The following DBT variants were observed in gnomAD, a reference collection of about 807,000 sequenced individuals.
DBT encodes the protein dihydrolipoamide branched chain transacylase E2.
DBT carries 40 observed loss-of-function variants against 51.3 expected under a neutral mutation model. The observed-to-expected ratio is 0.78, with a 90% CI of 0.61 to 1.02. The LOEUF (loss-of-function observed/expected upper bound fraction) is 1.02. Among genes scored for constraint, DBT ranks in the 50% least tolerant of loss-of-function variants. The probability of loss-of-function intolerance (pLI) is 0.00; values close to 1 mark genes in which losing one functional copy is unlikely to be tolerated. For synonymous variants in DBT, 181 were observed against 190.4 expected (o/e 0.95, Z 0.41); for missense variants, 510 against 580.2 (o/e 0.88, Z 1.24).
chr1:100,213,488 C>A, intron 7 of DBT: 1 of 1,544,516 alleles, frequency 6.5e-7, no homozygotes, highest in Non-Finnish European at 9.0e-7. Flanking sequence ...GACCGTCATC[C>A]GCTATCCTAC....
chr1:100,217,668 T>C (rs1379699581), intron 5 of DBT, among the ~76,000 whole-genome samples: 2 of 152,248 alleles, frequency 1.3e-5, no homozygotes, highest in South Asian at 2.1e-4. Flanking sequence ...AAAAGTCTCA[T>C]TGTGGGGCAC....
In DBT at chr1:100,189,353, A is replaced by T. The variant is rs200943386; in HGVS notation, c.*6902T>A. 112,332 of 139,554 alleles carry T rather than the reference A, an allele frequency of 0.8. 45,025 individuals are homozygous for T. The highest frequency in any genetic ancestry group is 0.94 in the East Asian group (4,460 of 4,758). 8.6% of individuals were successfully genotyped at this position (139,554 alleles called of 1,614,324 possible). On this transcript the variant is annotated 3_prime_UTR_variant, in exon 11 of 11. Coordinates refer to ENST00000370132, the MANE Select transcript of DBT (RefSeq NM_001918.5). ...GAGTGAGACTCCATCTCAAAAATTA[A>T]AAAAAAAAAAAAAAAAAGCCTGTGG...
intron 4 of DBT, among the ~76,000 whole-genome samples, chr1:100,223,345 G>A (rs1662983034): frequency 6.6e-6 from 1 of 152,156 alleles, no homozygotes; most frequent in African/African-American, 2.4e-5. Context: ...ACAACTCGAG[G>A]TAACACAATT....
intron 10 of DBT, among the ~76,000 whole-genome samples, chr1:100,199,538 C>T (rs1432257308): frequency 6.6e-6 from 1 of 152,196 alleles, no homozygotes; most frequent in Admixed American, 6.5e-5. Context: ...TTATTACACA[C>T]AGAGGCAGCC....
In DBT at chr1:100,196,414, G is replaced by A; in HGVS notation, c.1290C>T (p.Pro430=). 1 of 719,736 alleles carries A rather than the reference G, an allele frequency of 1.4e-6. No homozygotes were observed. Among genetic ancestry groups the A allele is most frequent in the South Asian group, 1.5e-5 (1 of 68,006 alleles). 44.6% of individuals were successfully genotyped at this position (719,736 alleles called of 1,614,324 possible). A position where few individuals can be genotyped will look rare whatever the true frequency, so the allele number is the denominator to read the frequency against. ...ATACTTCTCCTTTCTGGTTAAATCG[G>A]GGAATGGCCTAGAAATGAAAAAAAA... ...IGALGSIKAI[P]RFNQKGEVYK... The change falls in exon 11 of 11, where the codon CCC becomes CCT. Residue 430 remains proline, a synonymous_variant. Transcript: ENST00000370132.
At chr1:100,246,717 C>T (rs1160838237) in intron 1 of DBT, among the ~76,000 whole-genome samples, 1 of 152,068 alleles carries the variant, frequency 6.6e-6, no homozygotes, top group East Asian at 1.9e-4. Flanking sequence ...GTGCCAGGCA[C>T]TTGGGATTAT....
At position 100,216,014 on chromosome 1, in the gene DBT, G is replaced by T; in HGVS notation, c.741C>A (p.Phe247Leu). ...VPILVSKPPVFTGKDKTEPIK... is the reference protein window; with the variant it reads ...VPILVSKPPVLTGKDKTEPIK... ...TGGGTTCTGTTTTGTCTTTGCCTGT[G>T]AATACCGGAGGTTTTGATACTAGTA... is the stretch of plus-strand genomic sequence containing the variant. The change falls in exon 6 of 11, where the codon TTC becomes TTA. Residue 247 changes from phenylalanine to leucine, a missense_variant. Transcript: ENST00000370132. The T allele has an allele frequency of 6.2e-7, 1 of 1,609,280 alleles. No homozygotes were observed. Among genetic ancestry groups the T allele is most frequent in the Non-Finnish European group, 8.5e-7 (1 of 1,175,712 alleles).
chr1:100,231,669 G>T (rs1663561948), intron 3 of DBT, among the ~76,000 whole-genome samples: 1 of 152,110 alleles, frequency 6.6e-6, no homozygotes, highest in Non-Finnish European at 1.5e-5. Context: ...AGCTTTAAAA[G>T]CACATACTTT....
intron 3 of DBT, 134 bp downstream of exon 3, chr1:100,235,302 C>T: frequency 1.7e-6 from 1 of 576,362 alleles, no homozygotes; most frequent in South Asian, 2.2e-5. Context: ...TTTAAAAATG[C>T]ATTATGTGTT....
At position 100,230,068 on chromosome 1, in the gene DBT, A is replaced by G. The variant is rs1436854970; in HGVS notation, c.433+665T>C. Among the ~76,000 whole-genome samples, 4 of 152,278 alleles carry G rather than the reference A, an allele frequency of 2.6e-5. No homozygotes were observed. The South Asian group carries it at 8.3e-4, about 32-fold the overall frequency. On this transcript the variant is annotated intron_variant, in intron 4 of 10. Coordinates refer to ENST00000370132, the MANE Select transcript of DBT (RefSeq NM_001918.5). ...TTTTTGTATCAGTGGCAAACAGAGC[A>G]ATCCATTATATTAGATTTCATCTTT... is the stretch of plus-strand genomic sequence containing the variant.
At chr1:100,219,575 A>G (rs11166417) in intron 4 of DBT, among the ~76,000 whole-genome samples, 114,260 of 151,752 alleles carry the variant, frequency 0.75, 45,552 homozygotes, top group East Asian at 0.95. Context: ...GAGACTCCCT[A>G]TCTCTACAAG....
Position 100,189,390 on chromosome 1 carries a change from G to C in DBT, c.*6865C>G, listed in dbSNP as rs373389040. The C allele has an allele frequency of 3.3e-5, 5 of 151,980 alleles. No individual in the cohort carries two copies. The East Asian group carries it at 9.6e-4, about 29-fold the overall frequency. 9.4% of individuals were successfully genotyped at this position (151,980 alleles called of 1,614,324 possible). A position where few individuals can be genotyped will look rare whatever the true frequency, so the allele number is the denominator to read the frequency against. ...AAAAAAGCCTGTGGTTATTTTGATG[G>C]GATAGCAAGGATAACATGAACCATG... On this transcript the variant is annotated 3_prime_UTR_variant, in exon 11 of 11. Transcript: ENST00000370132.
chr1:100,244,756 T>C (rs543484225), intron 1 of DBT, among the ~76,000 whole-genome samples: 19 of 152,180 alleles, frequency 1.2e-4, no homozygotes, highest in Admixed American at 3.9e-4. Context: ...TATAATAATA[T>C]ACTGTAATAA....
intron 1 of DBT, among the ~76,000 whole-genome samples, chr1:100,243,876 C>T (rs1036231776): frequency 6.7e-6 from 1 of 149,286 alleles, no homozygotes; most frequent in East Asian, 2.0e-4. Context: ...CAAGCATGGA[C>T]ATGCATGCTC....
intron 10 of DBT, among the ~76,000 whole-genome samples, chr1:100,198,587 G>A (rs943954726): frequency 1.3e-5 from 2 of 152,170 alleles, no homozygotes; most frequent in African/African-American, 4.8e-5. Flanking sequence ...TGTCAAACAG[G>A]TATAATGGTT....
rs749580960 is a variant in DBT at position 100,187,216 on chromosome 1, G to A, written c.*9039C>T. The A allele has an allele frequency of 3.9e-5, 6 of 151,926 alleles. No individual in the cohort carries two copies. The highest frequency in any genetic ancestry group is 1.9e-4 in the East Asian group (1 of 5,194). 9.4% of individuals were successfully genotyped at this position (151,926 alleles called of 1,614,324 possible). A position where few individuals can be genotyped will look rare whatever the true frequency, so the allele number is the denominator to read the frequency against. ...TTGGGGGTAATTTAAACCCCAAATCGGAAGAATAGAATAAAAGACATAAAA... is the reference window on the plus strand; with the variant it reads ...TTGGGGGTAATTTAAACCCCAAATCAGAAGAATAGAATAAAAGACATAAAA... On this transcript the variant is annotated 3_prime_UTR_variant, in exon 11 of 11. Coordinates refer to ENST00000370132, the MANE Select transcript of DBT (RefSeq NM_001918.5).
At chr1:100,229,086 T>C (rs1043280825) in intron 4 of DBT, among the ~76,000 whole-genome samples, 3 of 152,152 alleles carry the variant, frequency 2.0e-5, no homozygotes, top group African/African-American at 7.2e-5. Context: ...TCATAGAAAA[T>C]ATTCTGGACA....
chr1:100,209,545 CTTTTCTTTT>C (rs1477921105), intron 8 of DBT, among the ~76,000 whole-genome samples: 1 of 151,966 alleles, frequency 6.6e-6, no homozygotes, highest in Admixed American at 6.6e-5. Flanking sequence ...TTGTACATGT[CTTTTCTTTT>C]TTTTCTTTTT....
At chr1:100,240,293 A>G (rs1365444635) in intron 2 of DBT, among the ~76,000 whole-genome samples, 1 of 152,212 alleles carries the variant, frequency 6.6e-6, no homozygotes. Context: ...TGAGAAAGTC[A>G]TATCAATGCT....
Sources: gnomAD v4.1 joint callset for allele counts (sites outside exome capture counted in the v4.1 genomes callset) on GRCh38, gnomAD v4.1.1 for gene constraint, MANE v1.5 for transcripts, NCBI Gene and HGNC (gene_info 2026-07-23, HGNC 2026-07-21) for gene names.